The following MUC12 variants were observed in gnomAD, a reference collection of about 807,000 sequenced individuals.
MUC12 encodes the protein mucin 12, cell surface associated.
MUC12 carries 172 observed loss-of-function variants against 230.8 expected under a neutral mutation model. The observed-to-expected ratio is 0.75, with a 90% CI of 0.66 to 0.85. The LOEUF is 0.85. Among genes scored for constraint, MUC12 ranks in the 40% least tolerant of loss-of-function variants. The pLI is 0.00. For synonymous variants in MUC12, 1,259 were observed against 2,401.9 expected (o/e 0.52, Z 13.91); for missense variants, 3,506 against 5,920.6 (o/e 0.59, Z 13.38).
rs575304396 is a variant in MUC12, at chr7:101,005,313, C to G, written c.14750C>G (p.Thr4917Arg). 1.1e-5 allele frequency: 17 copies of G among 1,537,862 alleles called. No individual in the cohort carries two copies. The South Asian group carries it at 1.5e-4, about 14-fold the overall frequency. The change falls in exon 2 of 12, where the codon ACA becomes AGA. Residue 4917 changes from threonine (T) to arginine (R), a missense_variant. Coordinates refer to ENST00000536621, the MANE Select transcript of MUC12 (RefSeq NM_001164462.2). ...AFHSSSDATG[T>R]TPLPARSTAS... The stretch of plus-strand genomic sequence containing the variant: ...CACAGCAGCTCAGACGCAACTGGAA[C>G]AACACCCTTACCTGCCCGCTCCACA...
rs1241701166 is a variant in MUC12 at position 101,004,417 on chromosome 7, T to C, written c.13854T>C (p.Pro4618=). 4.6e-6 allele frequency: 7 copies of C among 1,513,036 alleles called. No individual in the cohort carries two copies. The highest frequency in any genetic ancestry group is 1.2e-5 in the South Asian group (1 of 82,514). The allele number at this position is 1,513,036 out of a possible 1,614,324, so 93.7% of individuals were successfully genotyped here. A position where few individuals can be genotyped will look rare whatever the true frequency, so the allele number is the denominator to read the frequency against. Residue 4618 remains proline (P), a synonymous_variant, in exon 2 of 12, where the codon CCT becomes CCC. Transcript: ENST00000536621. ...GCTCAACTCAAACAATGCACTTCCCTGAAAGCTCCACAGCTTCAGGTCGTA... is the reference window on the plus strand; with the variant it reads ...GCTCAACTCAAACAATGCACTTCCCCGAAAGCTCCACAGCTTCAGGTCGTA... ...SPGSTQTMHF[P]ESSTASGRSE... is the part of the protein sequence containing the mutation.
At chr7:100,972,721 G>A (rs1343422706) in intron 1 of MUC12, 20 of 619,206 alleles carry the variant, frequency 3.2e-5, no homozygotes, top group Non-Finnish European at 5.5e-5. Context: ...GGCCAGGCTG[G>A]TCTTGAGCTC....
At chr7:100,971,497 C>G (rs1669728508) in intron 1 of MUC12, among the ~76,000 whole-genome samples, 1 of 152,310 alleles carries the variant, frequency 6.6e-6, no homozygotes, top group African/African-American at 2.4e-5. Context: ...ATCCTCCCAG[C>G]CAGGGACTCA....
rs953119153 is a variant in MUC12 at position 101,012,298 on chromosome 7, A to G, written c.15254A>G (p.Asn5085Ser). 30 of 1,536,592 alleles carry G rather than the reference A, an allele frequency of 2.0e-5. No individual in the cohort carries two copies. Among genetic ancestry groups the G allele is most frequent in the Non-Finnish European group, 2.5e-5 (29 of 1,146,744 alleles). ...YRGVNIRRLL[N>S]GSIVVKNDVI... Reference sequence around the variant, plus strand: ...GATGAAACGATTCCCACTTCCAGCAACGGTAGCATCGTGGTCAAGAACGAT... The same window carrying G: ...GATGAAACGATTCCCACTTCCAGCAGCGGTAGCATCGTGGTCAAGAACGAT... Residue 5085 changes from asparagine (N) to serine (S), a missense_variant and splice_region_variant, in exon 6 of 12, where the codon AAC becomes AGC. By Grantham distance (46) the Asn-to-Ser change is conservative. Transcript: ENST00000536621.
rs1418862849 is a variant in MUC12 at position 100,995,479 on chromosome 7, C to T, written c.4916C>T (p.Pro1639Leu). 13 of 1,534,094 alleles carry T rather than the reference C, an allele frequency of 8.5e-6. No individual in the cohort carries two copies. Among genetic ancestry groups the T allele is most frequent in the Non-Finnish European group, 1.1e-5 (13 of 1,146,198 alleles). ...GAATCTACTACTTTCCACAGCAGCCCAGGCTCCACTGAAACAACACTCTTA... is the reference window on the plus strand; with the variant it reads ...GAATCTACTACTTTCCACAGCAGCCTAGGCTCCACTGAAACAACACTCTTA... Reference protein sequence around the residue: ...GPESTTFHSSPGSTETTLLPD... With the variant: ...GPESTTFHSSLGSTETTLLPD... The change falls in exon 2 of 12, where the codon CCA (proline) becomes CTA (leucine). Residue 1639 changes from proline (P) to leucine (L), a missense_variant. Physicochemically the swap from Pro to Leu is moderately conservative, Grantham distance 98 (BLOSUM62 -3). Coordinates refer to ENST00000536621, the MANE Select transcript of MUC12 (RefSeq NM_001164462.2).
At chr7:100,978,082 G>A (rs1216540221) in intron 1 of MUC12, among the ~76,000 whole-genome samples, 1 of 152,156 alleles carries the variant, frequency 6.6e-6, no homozygotes, top group Admixed American at 6.5e-5. Context: ...AGAAGGTCGC[G>A]TTCCCAGGTA....
Position 100,990,888 on chromosome 7 carries a change from C to T in MUC12, c.325C>T (p.Pro109Ser), listed in dbSNP as rs568461289. 2 of 1,537,802 alleles carry T rather than the reference C, an allele frequency of 1.3e-6. No homozygotes were observed. Among genetic ancestry groups the T allele is most frequent in the African/African-American group, 1.4e-5 (1 of 73,106 alleles). The change falls in exon 2 of 12, where the codon CCT becomes TCT. Residue 109 changes from proline to serine, a missense_variant. Physicochemically the swap from Pro to Ser is moderately conservative, Grantham distance 74. Transcript: ENST00000536621. Reference protein sequence around the residue: ...HSATSVFVGEPKTSPITSASM... With the variant: ...HSATSVFVGESKTSPITSASM... ...TGCAACCTCAGTTTTTGTTGGAGAA[C>T]CTAAAACCTCACCCATCACTTCAGC... is the stretch of plus-strand genomic sequence containing the variant.
Position 101,018,711 on chromosome 7 carries a change from G to C in MUC12, c.*75G>C, listed in dbSNP as rs574864163. 11 of 1,455,782 alleles carry C rather than the reference G, an allele frequency of 7.6e-6. No homozygotes were observed. Among genetic ancestry groups the C allele is most frequent in the African/African-American group, 4.2e-5 (3 of 70,760 alleles). The allele number at this position is 1,455,782 out of a possible 1,614,324, so 90.2% of individuals were successfully genotyped here. A position where few individuals can be genotyped will look rare whatever the true frequency, so the allele number is the denominator to read the frequency against. ...AACACAGAGCCCACCACAAGCCTCC[G>C]GGGCGGGTCAAGAGGAGACCGAAGT... On this transcript the variant is annotated 3_prime_UTR_variant, in exon 12 of 12. Coordinates refer to ENST00000536621, the MANE Select transcript of MUC12 (RefSeq NM_001164462.2).
chr7:100,983,188 G>C (rs1793135811), intron 1 of MUC12, among the ~76,000 whole-genome samples: 1 of 152,050 alleles, frequency 6.6e-6, no homozygotes, highest in South Asian at 2.1e-4. Flanking sequence ...AGGAGGCCAA[G>C]GCGGGTGGAT....
chr7:101,004,478 C>G lies in MUC12; in HGVS notation c.13915C>G (p.His4639Asp), dbSNP rs1793695210. The change falls in exon 2 of 12, where the codon CAC (histidine) becomes GAC (aspartate). Residue 4639 changes from histidine (H) to aspartate (D), a missense_variant. Transcript: ENST00000536621. ...AAGAACTTCCCACAGCAGCACAACACACACAATATCTTCACCTCCTAGCAC... is the reference window on the plus strand; with the variant it reads ...AAGAACTTCCCACAGCAGCACAACAGACACAATATCTTCACCTCCTAGCAC... ...ESRTSHSSTT[H>D]TISSPPSTTS... The G allele has an allele frequency of 2.6e-6, 4 of 1,530,656 alleles. No individual in the cohort carries two copies. Among genetic ancestry groups the G allele is most frequent in the South Asian group, 2.4e-5 (2 of 83,542 alleles). The allele number at this position is 1,530,656 out of a possible 1,614,324, so 94.8% of individuals were successfully genotyped here. A position where few individuals can be genotyped will look rare whatever the true frequency, so the allele number is the denominator to read the frequency against.
rs546674075 is a variant in MUC12, at chr7:100,992,415, A to C, written c.1852A>C (p.Thr618Pro). Residue 618 changes from threonine (T) to proline (P), a missense_variant, in exon 2 of 12, where the codon ACA (threonine) becomes CCA (proline). By Grantham distance (38) the Thr-to-Pro change is conservative. Coordinates refer to ENST00000536621, the MANE Select transcript of MUC12 (RefSeq NM_001164462.2). ...VHSSTRSPHT[T>P]LSPAGSTTRQ... ...CAGCAGCACCAGATCGCCACACACAACACTGTCCCCTGCCGGCTCTACAAC... is the reference window on the plus strand; with the variant it reads ...CAGCAGCACCAGATCGCCACACACACCACTGTCCCCTGCCGGCTCTACAAC... 6.5e-7 allele frequency: 1 copy of C among 1,537,616 alleles called. No individual in the cohort carries two copies. Among genetic ancestry groups the C allele is most frequent in the East Asian group, 2.4e-5 (1 of 40,922 alleles).
chr7:100,986,857 T>A (rs2116289437), intron 1 of MUC12, among the ~76,000 whole-genome samples: 1 of 152,280 alleles, frequency 6.6e-6, no homozygotes, highest in African/African-American at 2.4e-5. Context: ...TCCTGTAGAA[T>A]TCCTAGTAAC....
chr7:100,995,552 C>G lies in MUC12; in HGVS notation c.4989C>G (p.Val1663=), dbSNP rs1032640434. The change falls in exon 2 of 12, where the codon GTC becomes GTG. Residue 1663 remains valine, a synonymous_variant. Transcript: ENST00000536621. ...GCCTCCTTGAAGCATCTACGCCCGTCCACAGCAGCACTGGATCGCCACACA... is the reference window on the plus strand; with the variant it reads ...GCCTCCTTGAAGCATCTACGCCCGTGCACAGCAGCACTGGATCGCCACACA... ...ASGLLEASTP[V]HSSTGSPHTT... is the part of the protein sequence containing the mutation. 2.0e-6 allele frequency: 3 copies of G among 1,536,528 alleles called. No homozygotes were observed. The highest frequency in any genetic ancestry group is 1.4e-5 in the African/African-American group (1 of 72,016).
At chr7:100,986,814 C>T (rs1320739595) in intron 1 of MUC12, among the ~76,000 whole-genome samples, 1 of 152,150 alleles carries the variant, frequency 6.6e-6, no homozygotes, top group Non-Finnish European at 1.5e-5. Flanking sequence ...AGGCCACACA[C>T]CCTGTCCTCT....
chr7:101,009,015 C>T (rs1327242672), intron 4 of MUC12, 80 bp from the exon 5 acceptor site: 1 of 1,478,288 alleles, frequency 6.8e-7, no homozygotes, highest in East Asian at 2.5e-5. Context: ...AGAAAGGTGC[C>T]TAGGGCTGCC....
rs575370022 is a variant in MUC12 at position 100,995,395 on chromosome 7, C to G, written c.4832C>G (p.Pro1611Arg). The G allele has an allele frequency of 1.3e-5, 20 of 1,534,044 alleles. No individual in the cohort carries two copies. The South Asian group carries it at 1.7e-4, about 13-fold the overall frequency. ...SQESTASHSS[P>R]GSTDTTLSPG... Reference sequence around the variant, plus strand: ...GAATCTACAGCTTCCCACAGCAGCCCAGGCTCCACAGACACAACATTGTCC... The same window carrying G: ...GAATCTACAGCTTCCCACAGCAGCCGAGGCTCCACAGACACAACATTGTCC... Residue 1611 changes from proline to arginine, a missense_variant, in exon 2 of 12, where the codon CCA (proline) becomes CGA (arginine). Coordinates refer to ENST00000536621, the MANE Select transcript of MUC12 (RefSeq NM_001164462.2).
chr7:101,010,200 G>A (rs1056542424), intron 5 of MUC12, among the ~76,000 whole-genome samples: 12 of 152,098 alleles, frequency 7.9e-5, no homozygotes, highest in African/African-American at 2.7e-4. Flanking sequence ...CCTGTGCTGC[G>A]TGGAGGAATG....
chr7:100,984,805 A>G (rs1245968289), intron 1 of MUC12, among the ~76,000 whole-genome samples: 3 of 152,198 alleles, frequency 2.0e-5, no homozygotes, highest in African/African-American at 7.2e-5. Flanking sequence ...TCTAACGGAC[A>G]TGCCTAGCAC....
In MUC12 at chr7:100,991,915, T is replaced by G. The variant is rs1793320990; in HGVS notation, c.1352T>G (p.Val451Gly). 1 of 1,536,622 alleles carries G rather than the reference T, an allele frequency of 6.5e-7. No homozygotes were observed. The highest frequency in any genetic ancestry group is 2.0e-5 in the Admixed American group (1 of 50,886). ...AGCCCAGATGCAATGGCAACAACAG[T>G]CTTACCTGCCGGCTCTACACCCTCA... ...HSSPDAMATT[V>G]LPAGSTPSVL... Residue 451 changes from valine (V) to glycine (G), a missense_variant, in exon 2 of 12, where the codon GTC becomes GGC. By Grantham distance (109) the Val-to-Gly change is moderately radical. Transcript: ENST00000536621.
Sources: allele counts gnomAD v4.1 joint callset (sites outside exome capture counted in the v4.1 genomes callset), GRCh38; gene constraint gnomAD v4.1.1; transcripts MANE v1.5; gene names NCBI Gene and HGNC (gene_info 2026-07-23, HGNC 2026-07-21).